Variants in MNAT1 observed in about 807,000 individuals in gnomAD.
MNAT1 encodes MNAT1 component of CDK activating kinase.
Under a neutral mutation model 42.0 loss-of-function variants are expected in MNAT1, and 43 were observed. The observed-to-expected ratio is 1.02, with a 90% CI of 0.80 to 1.32. The LOEUF (loss-of-function observed/expected upper bound fraction) is 1.32, where lower values mean the gene tolerates loss of function less well. MNAT1 is among the 40% of genes most tolerant of loss of function. The pLI is 0.00. For missense variants in MNAT1, 306 were observed against 350.4 expected (o/e 0.87, Z 1.01); for synonymous variants, 118 against 120.0 (o/e 0.98, Z 0.11).
intron 7 of MNAT1, among the ~76,000 whole-genome samples, chr14:60,936,188 G>A (rs1448053961): frequency 6.6e-6 from 1 of 152,080 alleles, no homozygotes; most frequent in African/African-American, 2.4e-5. Flanking sequence ...AACACTTGTG[G>A]GGCTGTTCAG....
intron 7 of MNAT1, among the ~76,000 whole-genome samples, chr14:60,949,648 T>C (rs1218029103): frequency 6.6e-5 from 10 of 152,180 alleles, no homozygotes; most frequent in Admixed American, 6.5e-4. Context: ...AAATATTTTC[T>C]TTACACATGA....
rs964408049 is a variant in MNAT1, at chr14:60,847,439, A to G, written c.687+28592A>G. On this transcript the variant is annotated intron_variant, in intron 6 of 7. Coordinates refer to ENST00000261245, the MANE Select transcript of MNAT1 (RefSeq NM_002431.4). ...AAAAAAAGACTTGTTTTATTTTAGTACAGCTACTTCAGCTCTCTTATGGTT... is the reference window on the plus strand; with the variant it reads ...AAAAAAAGACTTGTTTTATTTTAGTGCAGCTACTTCAGCTCTCTTATGGTT... Among the ~76,000 whole-genome samples, 4 of 150,966 alleles carry G rather than the reference A, an allele frequency of 2.6e-5. No individual in the cohort carries two copies. The South Asian group carries it at 8.3e-4, about 32-fold the overall frequency.
chr14:60,854,777 G>GTCAGGGACCCACT (rs2033914165), intron 6 of MNAT1, among the ~76,000 whole-genome samples: 1 of 152,208 alleles, frequency 6.6e-6, no homozygotes, highest in Admixed American at 6.5e-5. Context: ...AGGCACGGGG[G>GTCAGGGACCCACT]TCAGGGACCC....
intron 6 of MNAT1, among the ~76,000 whole-genome samples, chr14:60,829,366 T>G (rs149279598): frequency 6.8e-4 from 104 of 152,356 alleles, no homozygotes; most frequent in African/African-American, 2.4e-3. Flanking sequence ...CCTATATTTC[T>G]AGGTAACAAT....
chr14:60,879,898 C>T, intron 7 of MNAT1, 63 bp downstream of exon 7: 1 of 1,541,394 alleles, frequency 6.5e-7, no homozygotes, highest in Non-Finnish European at 8.8e-7. Flanking sequence ...CTGTTCTTAA[C>T]TGACATGTTA....
rs577394211 is a variant in MNAT1 at position 60,755,596 on chromosome 14, A to G, written c.89+20645A>G. ...AGCCTGGAATTTGTATTCTAAAGTC[A>G]TGTAAAGCAGAAAATATAGTGAAGA... is the stretch of plus-strand genomic sequence containing the variant. On this transcript the variant is annotated intron_variant, in intron 1 of 7. Transcript: ENST00000261245. Among the ~76,000 whole-genome samples the G allele has an allele frequency of 2.8e-4, 43 of 152,348 alleles. No homozygotes were observed. The South Asian group carries it at 7.3e-3, about 26-fold the overall frequency.
At chr14:60,950,991 G>C (rs920912915) in intron 7 of MNAT1, among the ~76,000 whole-genome samples, 5 of 152,096 alleles carry the variant, frequency 3.3e-5, no homozygotes, top group Admixed American at 6.6e-5. Context: ...AAGTAGCCAT[G>C]GTACGTAGAA....
intron 1 of MNAT1, 46 bp from the exon 2 acceptor site, chr14:60,796,171 A>G: frequency 6.4e-7 from 1 of 1,564,718 alleles, no homozygotes; most frequent in Non-Finnish European, 8.7e-7. Context: ...TGTGTTGTAG[A>G]TTTGAACATT....
rs555979335 is a variant in MNAT1, at chr14:60,969,401, A to C, written c.*1052A>C. 4.6e-5 allele frequency: 7 copies of C among 152,338 alleles called. No homozygotes were observed. The highest frequency in any genetic ancestry group is 8.8e-5 in the Non-Finnish European group (6 of 68,018). 9.4% of individuals were successfully genotyped at this position (152,338 alleles called of 1,614,324 possible). ...CTTAGGTGAAACAAGACTTGTGGTT[A>C]CATTAGGATGGACTATCCATCTGTA... On this transcript the variant is annotated 3_prime_UTR_variant, in exon 8 of 8. Coordinates refer to ENST00000261245, the MANE Select transcript of MNAT1 (RefSeq NM_002431.4).
At chr14:60,757,958 A>G (rs1023783177) in intron 1 of MNAT1, among the ~76,000 whole-genome samples, 1 of 152,216 alleles carries the variant, frequency 6.6e-6, no homozygotes, top group Non-Finnish European at 1.5e-5. Flanking sequence ...GTTACAATAC[A>G]CTACAATAAT....
intron 7 of MNAT1, among the ~76,000 whole-genome samples, chr14:60,930,206 T>TTTTTTATTATTA (rs71449542): frequency 7.9e-5 from 11 of 138,742 alleles, no homozygotes; most frequent in South Asian, 2.4e-4. Context: ...TTCTTCCGTC[T>TTTTTTATTATTA]TTATTATTAT....
At chr14:60,757,392 A>C (rs917509036) in intron 1 of MNAT1, among the ~76,000 whole-genome samples, 5 of 151,496 alleles carry the variant, frequency 3.3e-5, no homozygotes, top group Non-Finnish European at 5.9e-5. Flanking sequence ...ATTTTTTTTT[A>C]TTGTCCACAC....
At chr14:60,837,859 A>G (rs894678894) in intron 6 of MNAT1, among the ~76,000 whole-genome samples, 2 of 152,176 alleles carry the variant, frequency 1.3e-5, no homozygotes, top group African/African-American at 4.8e-5. Flanking sequence ...GCTTTTAGCT[A>G]TACTATTTAA....
intron 6 of MNAT1, among the ~76,000 whole-genome samples, chr14:60,856,683 C>CTTT (rs112853589): frequency 1.5e-5 from 2 of 135,260 alleles, no homozygotes; most frequent in African/African-American, 2.7e-5. Context: ...TGCTCATTCG[C>CTTT]TTTTTTTTTT....
At position 60,740,246 on chromosome 14, in the gene MNAT1, G is replaced by C. The variant is rs987085051; in HGVS notation, c.89+5295G>C. On this transcript the variant is annotated intron_variant, in intron 1 of 7. Transcript: ENST00000261245. The surrounding 1 kb of genome is among the most constrained non-coding windows in gnomAD (Gnocchi z 4.1). ...AATCTACTTTTTTCATCACGCACGA[G>C]ACGCAAAGTACAAGATAAGCAAAAT... Among the ~76,000 whole-genome samples, 1 of 152,216 alleles carries C rather than the reference G, an allele frequency of 6.6e-6. No homozygotes were observed. Among genetic ancestry groups the C allele is most frequent in the Non-Finnish European group, 1.5e-5 (1 of 68,034 alleles).
intron 7 of MNAT1, among the ~76,000 whole-genome samples, chr14:60,938,081 C>G (rs544570975): frequency 6.6e-6 from 1 of 152,252 alleles, no homozygotes; most frequent in East Asian, 1.9e-4. Flanking sequence ...GATTTTGTAT[C>G]CTGAGACTTT....
At chr14:60,811,852 A>G (rs2032555100) in intron 4 of MNAT1, 135 bp from the exon 5 acceptor site, 1 of 580,690 alleles carries the variant, frequency 1.7e-6, no homozygotes, top group Non-Finnish European at 2.8e-6. Context: ...TTTCTTCAAT[A>G]TGGAATTGCT....
chr14:60,777,640 T>C (rs2031301241), intron 1 of MNAT1, among the ~76,000 whole-genome samples: 2 of 152,120 alleles, frequency 1.3e-5, no homozygotes, highest in African/African-American at 4.8e-5. Flanking sequence ...AGTCCCCCCA[T>C]TCTCATTCCA....
intron 7 of MNAT1, among the ~76,000 whole-genome samples, chr14:60,894,032 C>A (rs1469178202): frequency 6.6e-6 from 1 of 152,152 alleles, no homozygotes; most frequent in Non-Finnish European, 1.5e-5. Context: ...AGACTCGCAA[C>A]TGAAGTTTGT....
Sources: allele counts gnomAD v4.1 joint callset (sites outside exome capture counted in the v4.1 genomes callset), GRCh38; gene constraint gnomAD v4.1.1; non-coding constraint Gnocchi (gnomAD v3.1); transcripts MANE v1.5; gene names NCBI Gene and HGNC (gene_info 2026-07-23, HGNC 2026-07-21).